Variants in PTPRF observed in about 807,000 individuals in gnomAD.
PTPRF encodes protein tyrosine phosphatase receptor type F, also known as receptor-type tyrosine-protein phosphatase F.
In PTPRF, 59 loss-of-function variants were observed where a neutral mutation model predicts 201.8. That is an observed-to-expected ratio of 0.29 (90% CI 0.24 to 0.36). The LOEUF (loss-of-function observed/expected upper bound fraction) is 0.36, where lower values mean the gene tolerates loss of function less well. Among genes scored for constraint, PTPRF ranks in the 10% least tolerant of loss-of-function variants. PTPRF has a pLI of 1.00. For missense variants in PTPRF, 2,132 were observed against 2,690.5 expected (o/e 0.79, Z 4.59); for synonymous variants, 1,088 against 1,089.7 (o/e 1.00, Z 0.03).
intron 11 of PTPRF, among the ~76,000 whole-genome samples, chr1:43,594,111 T>C (rs1264091723): frequency 6.6e-6 from 1 of 152,218 alleles, no homozygotes; most frequent in Non-Finnish European, 1.5e-5. Flanking sequence ...CCCTGTACCG[T>C]GCATGGGGCC....
At chr1:43,559,679 G>A (rs765181156) in intron 5 of PTPRF, among the ~76,000 whole-genome samples, 18 of 150,122 alleles carry the variant, frequency 1.2e-4, no homozygotes, top group Non-Finnish European at 2.4e-4. Flanking sequence ...AGCATGCGGC[G>A]AGTACTTTGT....
rs1654698884 is a variant in PTPRF, at chr1:43,604,956, A to G, written c.3091A>G (p.Ser1031Gly). Residue 1031 changes from serine (S) to glycine (G), a missense_variant, in exon 17 of 34, where the codon AGC becomes GGC. This residue lies in a region of PTPRF where 818 missense variants were observed against 915.3 expected (regional missense o/e 0.89). Coordinates refer to ENST00000359947, the MANE Select transcript of PTPRF (RefSeq NM_002840.5). ...AAAMKTSVLL[S>G]WEVPDSYKSA... Reference sequence around the variant, plus strand: ...TGCAATGAAGACGTCTGTGCTGCTCAGCTGGGAGGTTCCCGACTCCTATAA... The same window carrying G: ...TGCAATGAAGACGTCTGTGCTGCTCGGCTGGGAGGTTCCCGACTCCTATAA... 6.2e-7 allele frequency: 1 copy of G among 1,614,192 alleles called. No individual in the cohort carries two copies. Among genetic ancestry groups the G allele is most frequent in the African/African-American group, 1.3e-5 (1 of 75,074 alleles).
chr1:43,531,643 G>T (rs984098376), intron 1 of PTPRF, among the ~76,000 whole-genome samples: 15 of 149,812 alleles, frequency 1.0e-4, no homozygotes, highest in Admixed American at 2.6e-4. Flanking sequence ...GTGCGGTCCC[G>T]GGCTGCGCCG....
At chr1:43,618,578 C>T (rs369973816) in intron 25 of PTPRF, 52 bp from the exon 26 acceptor site, 237 of 1,565,490 alleles carry the variant, frequency 1.5e-4, no homozygotes, top group Non-Finnish European at 1.9e-4. Context: ...CCTGCTTCTG[C>T]CCGTCTGAGC....
Position 43,613,721 on chromosome 1 carries a change from A to G in PTPRF, c.4071+6A>G. ...AGTTCTCCCAGGAGTATGAGGTGAG[A>G]TGTTCCCGCCCCCTACCATGTGCCT... On this transcript the variant is annotated splice_donor_region_variant and intron_variant, in intron 23 of 33. Transcript: ENST00000359947. 6.2e-7 allele frequency: 1 copy of G among 1,612,278 alleles called. No individual in the cohort carries two copies. Among genetic ancestry groups the G allele is most frequent in the Non-Finnish European group, 8.5e-7 (1 of 1,178,330 alleles).
At position 43,609,379 on chromosome 1, in the gene PTPRF, C is replaced by G; in HGVS notation, c.3858-4C>G. 1 of 1,613,074 alleles carries G rather than the reference C, an allele frequency of 6.2e-7. No homozygotes were observed. Among genetic ancestry groups the G allele is most frequent in the East Asian group, 2.2e-5 (1 of 44,868 alleles). ...TCTCACCAGCCTCCCTTCTGTCTCT[C>G]TAGGAAAAGGACCCACTCTCCGTCC... On this transcript the variant is annotated splice_region_variant and splice_polypyrimidine_tract_variant and intron_variant, in intron 21 of 33. Coordinates refer to ENST00000359947, the MANE Select transcript of PTPRF (RefSeq NM_002840.5).
rs746004629 is a variant in PTPRF, at chr1:43,605,583, G to A, written c.3444G>A (p.Thr1148=). 4.5e-5 allele frequency: 73 copies of A among 1,614,092 alleles called. No homozygotes were observed. Among genetic ancestry groups the A allele is most frequent in the Admixed American group, 3.2e-4 (19 of 60,032 alleles). The change falls in exon 19 of 34, where the codon ACG becomes ACA. Residue 1148 remains threonine (T), a synonymous_variant. Transcript: ENST00000359947. ...ACCGTGTGGGCGGGAGCATGCTGAC[G>A]CCAAGGTGGAGCACACCCGAGGAAC... The part of the protein sequence containing the change: ...PIDRVGGSML[T]PRWSTPEELE...
At chr1:43,614,100 C>T (rs921488697) in intron 23 of PTPRF, among the ~76,000 whole-genome samples, 4 of 152,234 alleles carry the variant, frequency 2.6e-5, no homozygotes, top group African/African-American at 9.6e-5. Context: ...AGGCCAGCAC[C>T]GGTCTGGGCA....
chr1:43,587,588 C>T (rs11210879), intron 7 of PTPRF, among the ~76,000 whole-genome samples: 39,513 of 152,006 alleles, frequency 0.26, 6,082 homozygotes, highest in East Asian at 0.48. Context: ...GGAGATGCTC[C>T]TTATGTGGTG....
At chr1:43,575,013 C>T (rs1421168901) in intron 6 of PTPRF, among the ~76,000 whole-genome samples, 2 of 152,218 alleles carry the variant, frequency 1.3e-5, no homozygotes, top group Admixed American at 6.5e-5. Flanking sequence ...ACTTCCCAAT[C>T]CCCAGACGTG....
intron 13 of PTPRF, among the ~76,000 whole-genome samples, chr1:43,601,550 G>T (rs1653743735): frequency 6.6e-6 from 1 of 152,218 alleles, no homozygotes; most frequent in Non-Finnish European, 1.5e-5. Flanking sequence ...TGGGGTGATT[G>T]TGTAATGTAT....
At chr1:43,604,292 C>T in intron 16 of PTPRF, 103 bp downstream of exon 16, 2 of 1,225,580 alleles carry the variant, frequency 1.6e-6, no homozygotes, top group Non-Finnish European at 1.1e-6. Flanking sequence ...CCACCAGCCT[C>T]TGGTGTGTGA....
At chr1:43,574,071 A>T (rs1053078168) in intron 6 of PTPRF, among the ~76,000 whole-genome samples, 48 of 131,424 alleles carry the variant, frequency 3.7e-4, no homozygotes, top group African/African-American at 1.3e-3. Context: ...ATCTCGGCTC[A>T]TCGCAACCTC....
At chr1:43,551,903 C>T (rs964888198) in intron 3 of PTPRF, among the ~76,000 whole-genome samples, 6 of 151,956 alleles carry the variant, frequency 3.9e-5, no homozygotes, top group Non-Finnish European at 8.8e-5. Flanking sequence ...ACATAAAACC[C>T]CCAGAGCCCC....
At chr1:43,604,316 A>C (rs911746040) in intron 16 of PTPRF, 127 bp downstream of exon 16, 1 of 971,870 alleles carries the variant, frequency 1.0e-6, no homozygotes, top group Non-Finnish European at 1.5e-6. Flanking sequence ...CCAATCTCTC[A>C]TGACTGTGAC....
Position 43,592,442 on chromosome 1 carries a change from C to G in PTPRF, c.1669-15C>G, listed in dbSNP as rs371869810. ...GAGCTCAGAGCTGTCAGTGAGTGCT[C>G]CCTGCTCTTCCCAGCACAAGGTGAC... is the stretch of plus-strand genomic sequence containing the variant. On this transcript the variant is annotated splice_polypyrimidine_tract_variant and intron_variant, in intron 10 of 33. Transcript: ENST00000359947. 49 of 1,596,278 alleles carry G rather than the reference C, an allele frequency of 3.1e-5. No individual in the cohort carries two copies. The highest frequency in any genetic ancestry group is 4.0e-5 in the Non-Finnish European group (47 of 1,171,312).
chr1:43,610,892 C>T (rs146570259), intron 22 of PTPRF, among the ~76,000 whole-genome samples: 7 of 152,334 alleles, frequency 4.6e-5, no homozygotes, highest in African/African-American at 9.6e-5. Flanking sequence ...TAAAATTCTA[C>T]TGGAACAGAC....
chr1:43,598,751 G>C lies in PTPRF; in HGVS notation c.2151G>C (p.Val717=), dbSNP rs149885869. The change falls in exon 13 of 34, where the codon GTG becomes GTC. Residue 717 remains valine, a synonymous_variant. Transcript: ENST00000359947. ...GCGGGCCTCCGCGGAAGGTGGAGGT[G>C]GAGCCACTGAACTCCACTGCTGTGC... ...VPSGPPRKVE[V]EPLNSTAVHV... is the part of the protein sequence containing the mutation. The C allele has an allele frequency of 1.0e-4, 162 of 1,614,020 alleles. No homozygotes were observed. In the African/African-American group the frequency reaches 2.0e-3, roughly 20 times the overall value.
In PTPRF at chr1:43,603,543, G is replaced by T. The variant is rs1397232098; in HGVS notation, c.2458+10G>T. 1.9e-6 allele frequency: 3 copies of T among 1,613,590 alleles called. No individual in the cohort carries two copies. The highest frequency in any genetic ancestry group is 2.5e-6 in the Non-Finnish European group (3 of 1,179,624). On this transcript the variant is annotated intron_variant, in intron 15 of 33. Coordinates refer to ENST00000359947, the MANE Select transcript of PTPRF (RefSeq NM_002840.5). The surrounding 1 kb of genome is among the most constrained non-coding windows in gnomAD (Gnocchi z 5.8). ...ACTACAACAGGTGCAGGTGAGTGAG[G>T]GGTCAGGACGGACCTGAGGGTGGGG...
Sources: gnomAD v4.1 joint callset for allele counts (sites outside exome capture counted in the v4.1 genomes callset) on GRCh38, gnomAD v4.1.1 for gene constraint, gnomAD v4.1.1 regional missense constraint, Gnocchi (gnomAD v3.1) non-coding constraint, MANE v1.5 for transcripts, NCBI Gene and HGNC (gene_info 2026-07-23, HGNC 2026-07-21) for gene names.